Variants in SNX29 observed in about 807,000 individuals in gnomAD.
SNX29 encodes the protein sorting nexin-29.
In SNX29, 78 loss-of-function variants were observed where a neutral mutation model predicts 102.1. That is an observed-to-expected ratio of 0.76 (90% CI 0.64 to 0.92). SNX29 has a LOEUF of 0.92. SNX29 is among the 40% of genes least tolerant of loss of function. The probability of loss-of-function intolerance (pLI) is 0.00; values close to 1 mark genes in which losing one functional copy is unlikely to be tolerated. For missense variants in SNX29, 1,280 were observed against 1,061.7 expected (o/e 1.21, Z -2.86); for synonymous variants, 580 against 414.5 (o/e 1.40, Z -4.85).
chr16:12,148,108 A>C (rs142313594), intron 13 of SNX29, among the ~76,000 whole-genome samples: 1 of 152,342 alleles, frequency 6.6e-6, no homozygotes, highest in East Asian at 1.9e-4. Context: ...AGTAGCCATC[A>C]TGAAAATGTT....
At chr16:12,174,611 TTG>T (rs1364541981) in intron 13 of SNX29, among the ~76,000 whole-genome samples, 4 of 152,208 alleles carry the variant, frequency 2.6e-5, no homozygotes, top group Non-Finnish European at 5.9e-5. Flanking sequence ...AACCAACCTC[TTG>T]TGGCGTTCAC....
chr16:12,506,196 G>A (rs2089370311), intron 19 of SNX29, among the ~76,000 whole-genome samples: 1 of 152,126 alleles, frequency 6.6e-6, no homozygotes, highest in Admixed American at 6.5e-5. Flanking sequence ...CCTGACCTCA[G>A]GTGATGCGCC....
intron 19 of SNX29, among the ~76,000 whole-genome samples, chr16:12,511,274 A>G (rs1163648032): frequency 6.6e-6 from 1 of 152,164 alleles, no homozygotes; most frequent in Non-Finnish European, 1.5e-5. Context: ...CATACTCCTG[A>G]GCTCAGGTGT....
Position 12,571,643 on chromosome 16 carries a change from A to G in SNX29, c.*3014A>G, listed in dbSNP as rs530698156. 5.7e-5 allele frequency: 60 copies of G among 1,059,094 alleles called. 1 individual carries two copies. The South Asian group carries it at 2.2e-3, about 39-fold the overall frequency. 65.6% of individuals were successfully genotyped at this position (1,059,094 alleles called of 1,614,324 possible). A position where few individuals can be genotyped will look rare whatever the true frequency, so the allele number is the denominator to read the frequency against. The stretch of plus-strand genomic sequence containing the variant: ...ACATCTTTTTTTCTCCCCCAGATGA[A>G]AGACGACTCAGGAACGGTAGGGCTG... On this transcript the variant is annotated 3_prime_UTR_variant, in exon 21 of 21. Transcript: ENST00000566228.
chr16:12,365,940 G>C (rs1288291592), intron 16 of SNX29, among the ~76,000 whole-genome samples: 1 of 149,798 alleles, frequency 6.7e-6, no homozygotes, highest in African/African-American at 2.4e-5. Context: ...TACTCGGGAG[G>C]CTGAGGCAGG....
intron 15 of SNX29, among the ~76,000 whole-genome samples, chr16:12,285,811 A>G (rs974522862): frequency 2.0e-5 from 3 of 152,236 alleles, no homozygotes; most frequent in Non-Finnish European, 4.4e-5. Flanking sequence ...GATCTACATT[A>G]AACTGATACT....
chr16:12,468,424 C>G (rs765638843), intron 18 of SNX29, among the ~76,000 whole-genome samples: 2 of 152,058 alleles, frequency 1.3e-5, no homozygotes, highest in Non-Finnish European at 2.9e-5. Flanking sequence ...ATCTGCCTGC[C>G]TTAGCCTGGG....
intron 8 of SNX29, among the ~76,000 whole-genome samples, chr16:12,053,572 C>G (rs1236655583): frequency 6.6e-6 from 1 of 151,826 alleles, no homozygotes; most frequent in African/African-American, 2.4e-5. Flanking sequence ...AGAAATGTAT[C>G]TTTCTATCTG....
At chr16:12,408,592 G>A (rs1597274341) in intron 18 of SNX29, among the ~76,000 whole-genome samples, 2 of 152,202 alleles carry the variant, frequency 1.3e-5, no homozygotes, top group Admixed American at 6.5e-5. Context: ...AAGCCAAGGC[G>A]GGTGGATCAC....
chr16:12,284,394 C>T (rs1293151534), intron 15 of SNX29, among the ~76,000 whole-genome samples: 1 of 152,220 alleles, frequency 6.6e-6, no homozygotes, highest in East Asian at 1.9e-4. Flanking sequence ...CTGCAGTAGA[C>T]AGGAGGTGTC....
At chr16:12,439,353 G>A (rs763871501) in intron 18 of SNX29, among the ~76,000 whole-genome samples, 7 of 152,220 alleles carry the variant, frequency 4.6e-5, no homozygotes, top group Non-Finnish European at 8.8e-5. Context: ...CCGGTGTGGA[G>A]TCAGGGCTTG....
intron 18 of SNX29, among the ~76,000 whole-genome samples, chr16:12,454,303 G>A (rs1183094305): frequency 6.6e-6 from 1 of 152,196 alleles, no homozygotes; most frequent in African/African-American, 2.4e-5. Context: ...TGATGACTAA[G>A]GAGAGCAGCC....
In SNX29 at chr16:12,155,920, T is replaced by C. The variant is rs1238613452; in HGVS notation, c.1595+26162T>C. ...GATCCTGCAGTGGCTCCCCACTTCC[T>C]TCGAAGTAAAGCCAAAGCTGGTGAG... On this transcript the variant is annotated intron_variant, in intron 13 of 20. Transcript: ENST00000566228. Among the ~76,000 whole-genome samples the C allele has an allele frequency of 5.3e-5, 8 of 152,312 alleles. No homozygotes were observed. The East Asian group carries it at 1.5e-3, about 29-fold the overall frequency.
At chr16:12,225,132 T>C (rs1186877122) in intron 14 of SNX29, among the ~76,000 whole-genome samples, 2 of 152,242 alleles carry the variant, frequency 1.3e-5, no homozygotes, top group African/African-American at 2.4e-5. Flanking sequence ...GGCATTGATA[T>C]TAATAACAGT....
At chr16:12,046,253 T>G (rs561723073) in intron 5 of SNX29, 131 bp from the exon 6 acceptor site, 7 of 844,878 alleles carry the variant, frequency 8.3e-6, no homozygotes, top group African/African-American at 1.7e-5. Context: ...AGCAGAGACC[T>G]CAGACAAATC....
chr16:12,476,421 T>TATATATATATATATAC lies in SNX29; in HGVS notation c.2038-1283_2038-1282insCATATATATATATATA, dbSNP rs1567603449. Among the ~76,000 whole-genome samples the TATATATATATATATAC allele has an allele frequency of 5.4e-4, 28 of 51,972 alleles. 1 individual carries two copies. The highest frequency in any genetic ancestry group is 1.2e-3 in the Admixed American group (4 of 3,234). The allele number at this position is 51,972 out of a possible 152,430, so 34.1% of individuals were successfully genotyped here. On this transcript the variant is annotated intron_variant, in intron 18 of 20. Coordinates refer to ENST00000566228, the MANE Select transcript of SNX29 (RefSeq NM_032167.5). ...ATATATATATATATATACATATATA[T>TATATATATATATATAC]ATATATATATATATATATATATGAT...
intron 15 of SNX29, among the ~76,000 whole-genome samples, chr16:12,346,213 A>G (rs752789596): frequency 3.3e-5 from 5 of 152,152 alleles, no homozygotes; most frequent in Non-Finnish European, 7.3e-5. Context: ...AGGTTTGGCC[A>G]CAGGATGGAG....
chr16:12,538,083 GC>G (rs139819734), intron 20 of SNX29, among the ~76,000 whole-genome samples: 5,757 of 151,956 alleles, frequency 0.038, 144 homozygotes, highest in Middle Eastern at 0.11. Flanking sequence ...TTCTCAGTGG[GC>G]TAAGCAAATT....
At chr16:11,987,361 C>T (rs538102685) in intron 1 of SNX29, among the ~76,000 whole-genome samples, 4 of 150,318 alleles carry the variant, frequency 2.7e-5, no homozygotes, top group African/African-American at 7.3e-5. Flanking sequence ...TGAGCCACTG[C>T]ACCCGGCCTG....
Sources: allele counts gnomAD v4.1 joint callset (sites outside exome capture counted in the v4.1 genomes callset), GRCh38; gene constraint gnomAD v4.1.1; transcripts MANE v1.5; gene names NCBI Gene and HGNC (gene_info 2026-07-23, HGNC 2026-07-21).